The following CSMD1 variants were observed in gnomAD, a reference collection of about 807,000 sequenced individuals.
The protein encoded by CSMD1 is CUB and sushi domain-containing protein 1.
Under a neutral mutation model 417.5 loss-of-function variants are expected in CSMD1, and 213 were observed. The observed-to-expected ratio is 0.51, with a 90% CI of 0.46 to 0.57. The LOEUF is 0.57. Among genes scored for constraint, CSMD1 ranks in the 20% least tolerant of loss-of-function variants. The probability of loss-of-function intolerance (pLI) is 0.00; values close to 1 mark genes in which losing one functional copy is unlikely to be tolerated. For missense variants in CSMD1, 6,923 were observed against 4,529.7 expected (o/e 1.53, Z -15.17); for synonymous variants, 2,862 against 1,736.8 (o/e 1.65, Z -16.11).
Position 4,153,173 on chromosome 8 carries a change from G to T in CSMD1, c.416-121074C>A, listed in dbSNP as rs923522749. Among the ~76,000 whole-genome samples the T allele has an allele frequency of 3.9e-5, 6 of 152,178 alleles. No individual in the cohort carries two copies. The East Asian group carries it at 1.2e-3, about 29-fold the overall frequency. ...ACTGTGGTGACCATGCCAGGAATAA[G>T]ATAAGCAGAGCCCAGTTCCTGCTTT... On this transcript the variant is annotated intron_variant, in intron 3 of 69. Transcript: ENST00000635120.
At chr8:3,858,401 C>G (rs537016239) in intron 5 of CSMD1, among the ~76,000 whole-genome samples, 2 of 152,092 alleles carry the variant, frequency 1.3e-5, no homozygotes. Flanking sequence ...GAATTCTATG[C>G]TGTTTCTTAC....
chr8:4,467,937 GAACT>G (rs1425511295), intron 2 of CSMD1, among the ~76,000 whole-genome samples: 5 of 152,116 alleles, frequency 3.3e-5, no homozygotes, highest in Admixed American at 1.3e-4. Flanking sequence ...TTCCATTCCT[GAACT>G]AACAAAGTAA....
intron 23 of CSMD1, among the ~76,000 whole-genome samples, chr8:3,338,757 T>C (rs987700737): frequency 1.3e-5 from 2 of 152,082 alleles, no homozygotes; most frequent in Non-Finnish European, 2.9e-5. Context: ...AAAGTTGCCA[T>C]ATGGAATTGT....
chr8:4,793,917 G>C (rs1192054422), intron 1 of CSMD1, among the ~76,000 whole-genome samples: 1 of 151,890 alleles, frequency 6.6e-6, no homozygotes, highest in Non-Finnish European at 1.5e-5. Context: ...ATAAAAATGT[G>C]ATGTAAGTTG....
chr8:3,305,640 T>C (rs1451752840), intron 25 of CSMD1, among the ~76,000 whole-genome samples: 1 of 152,112 alleles, frequency 6.6e-6, no homozygotes, highest in East Asian at 1.9e-4. Context: ...CTTCCCATCC[T>C]CCAGAACTGT....
chr8:3,754,464 ATTTATTTT>A lies in CSMD1; in HGVS notation c.819-430_819-423del, dbSNP rs1354995731. Among the ~76,000 whole-genome samples, 5 of 150,304 alleles carry A rather than the reference ATTTATTTT, an allele frequency of 3.3e-5. No individual in the cohort carries two copies. The East Asian group carries it at 5.8e-4, about 18-fold the overall frequency. On this transcript the variant is annotated intron_variant, in intron 5 of 69. Coordinates refer to ENST00000635120, the MANE Select transcript of CSMD1 (RefSeq NM_033225.6). Reference sequence around the variant, plus strand: ...TATTTATTTATTTATTTATTTATTTATTTATTTTGAGACGGAGTCTCACTGTGTCATCC... The same window carrying A: ...TATTTATTTATTTATTTATTTATTTAGAGACGGAGTCTCACTGTGTCATCC...
chr8:3,509,935 T>A (rs1428533682), intron 10 of CSMD1, among the ~76,000 whole-genome samples: 2 of 152,132 alleles, frequency 1.3e-5, no homozygotes, highest in Non-Finnish European at 2.9e-5. Context: ...TTGCTGGCAT[T>A]TCAGCCTCTC....
intron 1 of CSMD1, among the ~76,000 whole-genome samples, chr8:4,959,563 A>G (rs563977634): frequency 3.3e-5 from 5 of 152,226 alleles, no homozygotes; most frequent in African/African-American, 1.2e-4. Context: ...ACGGCACTAT[A>G]ATTATCACCC....
chr8:3,792,323 A>G (rs189725180), intron 5 of CSMD1, among the ~76,000 whole-genome samples: 85 of 152,190 alleles, frequency 5.6e-4, no homozygotes, highest in Admixed American at 1.1e-3. Flanking sequence ...TTCCTGGGAG[A>G]TAATAATAAT....
intron 25 of CSMD1, among the ~76,000 whole-genome samples, chr8:3,295,000 T>C (rs574404366): frequency 2.6e-5 from 4 of 152,326 alleles, no homozygotes; most frequent in South Asian, 2.1e-4. Flanking sequence ...AAGCTTCATA[T>C]GTGTGTGTAT....
At chr8:3,498,500 G>C (rs1353060240) in intron 10 of CSMD1, among the ~76,000 whole-genome samples, 1 of 152,130 alleles carries the variant, frequency 6.6e-6, no homozygotes, top group Non-Finnish European at 1.5e-5. Flanking sequence ...CATTAGATCT[G>C]TTTGGTGATC....
intron 1 of CSMD1, among the ~76,000 whole-genome samples, chr8:4,896,544 T>C (rs146234412): frequency 2.6e-5 from 4 of 152,278 alleles, no homozygotes; most frequent in South Asian, 2.1e-4. Context: ...TGTCTTCAGA[T>C]ACTTCCTTCA....
At chr8:4,408,475 T>G (rs189999821) in intron 3 of CSMD1, among the ~76,000 whole-genome samples, 1 of 152,346 alleles carries the variant, frequency 6.6e-6, no homozygotes, top group East Asian at 1.9e-4. Context: ...ATTGACTGTT[T>G]TTAATAGCTT....
At chr8:4,777,261 C>A (rs1366711352) in intron 1 of CSMD1, among the ~76,000 whole-genome samples, 2 of 152,108 alleles carry the variant, frequency 1.3e-5, no homozygotes, top group African/African-American at 2.4e-5. Flanking sequence ...GGAGGCAAGG[C>A]AGTGCGAGAA....
intron 5 of CSMD1, among the ~76,000 whole-genome samples, chr8:3,862,728 A>G (rs1195233041): frequency 6.6e-6 from 1 of 152,170 alleles, no homozygotes; most frequent in Non-Finnish European, 1.5e-5. Flanking sequence ...TGAGTAAGGG[A>G]GGCTAGGAGA....
At chr8:3,364,094 C>A (rs17065933) in intron 20 of CSMD1, among the ~76,000 whole-genome samples, 35,579 of 151,912 alleles carry the variant, frequency 0.23, 4,240 homozygotes, top group African/African-American at 0.29. Flanking sequence ...TATGATAAAC[C>A]ACAAAGTCTC....
At chr8:4,093,964 A>AG (rs1259425940) in intron 3 of CSMD1, among the ~76,000 whole-genome samples, 9 of 138,608 alleles carry the variant, frequency 6.5e-5, no homozygotes, top group African/African-American at 1.3e-4. Context: ...ACTACATCTC[A>AG]AATAGATAGA....
Position 4,967,567 on chromosome 8 carries a change from T to G in CSMD1, c.85+26765A>C, listed in dbSNP as rs142065485. On this transcript the variant is annotated intron_variant, in intron 1 of 69. Coordinates refer to ENST00000635120, the MANE Select transcript of CSMD1 (RefSeq NM_033225.6). ...TTTTCCCCCATGCAAATTTGGAAAT[T>G]CTTATTAACTATTTTTAATTTTAAC... Among the ~76,000 whole-genome samples the G allele has an allele frequency of 9.6e-3, 1,465 of 152,272 alleles. 17 individuals carry two copies. Among genetic ancestry groups the G allele is most frequent in the Non-Finnish European group, 0.016 (1,067 of 68,014 alleles).
At chr8:3,340,307 G>C (rs1342526993) in intron 23 of CSMD1, among the ~76,000 whole-genome samples, 1 of 152,156 alleles carries the variant, frequency 6.6e-6, no homozygotes, top group Non-Finnish European at 1.5e-5. Context: ...TTGTAAAGTT[G>C]AAAGGTCCCT....
Sources: allele counts gnomAD v4.1 joint callset (sites outside exome capture counted in the v4.1 genomes callset), GRCh38; gene constraint gnomAD v4.1.1; transcripts MANE v1.5; gene names NCBI Gene and HGNC (gene_info 2026-07-23, HGNC 2026-07-21).